The following SPEF2 variants were observed in gnomAD, a reference collection of about 807,000 sequenced individuals.
The protein encoded by SPEF2 is sperm flagellar and cilia associated 2.
Under a neutral mutation model 224.6 loss-of-function variants are expected in SPEF2, and 187 were observed. The ratio of observed to expected loss-of-function variants is 0.83; its 90% confidence interval spans 0.74 to 0.94. SPEF2 has a LOEUF of 0.94. SPEF2 is among the 40% of genes least tolerant of loss of function. SPEF2 has a pLI of 0.00. For missense variants in SPEF2, 2,170 were observed against 2,135.6 expected (o/e 1.02, Z -0.32); for synonymous variants, 715 against 707.3 (o/e 1.01, Z -0.17).
At chr5:35,683,572 C>T (rs1753135111) in intron 10 of SPEF2, among the ~76,000 whole-genome samples, 1 of 152,162 alleles carries the variant, frequency 6.6e-6, no homozygotes, top group Non-Finnish European at 1.5e-5. Context: ...CTACAGTTAG[C>T]CAAGATCGCG....
At chr5:35,667,044 A>G (rs762340796) in intron 8 of SPEF2, 28 bp from the exon 9 acceptor site, 6 of 1,569,144 alleles carry the variant, frequency 3.8e-6, no homozygotes, top group Middle Eastern at 2.0e-4. Context: ...AATTATAGTG[A>G]CTTAAAAATA....
intron 1 of SPEF2, among the ~76,000 whole-genome samples, chr5:35,627,961 A>C (rs1744503809): frequency 6.6e-6 from 1 of 152,204 alleles, no homozygotes; most frequent in Non-Finnish European, 1.5e-5. Flanking sequence ...GATTATGTTC[A>C]GGAGGTTTTA....
chr5:35,808,277 T>A (rs975053403), intron 36 of SPEF2: 39 of 582,822 alleles, frequency 6.7e-5, no homozygotes, highest in Middle Eastern at 8.7e-4. Flanking sequence ...TACTTTAAGT[T>A]CTAGGGCACA....
At chr5:35,700,931 G>A (rs1738493848) in intron 16 of SPEF2, among the ~76,000 whole-genome samples, 179 bp downstream of exon 16, 1 of 152,140 alleles carries the variant, frequency 6.6e-6, no homozygotes, top group South Asian at 2.1e-4. Context: ...TCAGCGCTGT[G>A]GGCAAAGCCG....
chr5:35,648,826 C>T lies in SPEF2; in HGVS notation c.727-535C>T, dbSNP rs563691634. On this transcript the variant is annotated intron_variant, in intron 5 of 36. Transcript: ENST00000356031. Reference sequence around the variant, plus strand: ...GTCAGGAGTTTGAGGCCACCCTTGTCAACCTGGCGAAACCCTGTCTGTATT... The same window carrying T: ...GTCAGGAGTTTGAGGCCACCCTTGTTAACCTGGCGAAACCCTGTCTGTATT... 2.0e-5 allele frequency among the ~76,000 whole-genome samples: 3 copies of T among 152,094 alleles called. No homozygotes were observed. In the South Asian group the frequency reaches 6.2e-4, roughly 32 times the overall value.
chr5:35,773,176 G>A (rs930331011), intron 27 of SPEF2, among the ~76,000 whole-genome samples: 6 of 152,058 alleles, frequency 3.9e-5, no homozygotes, highest in Admixed American at 1.3e-4. Flanking sequence ...CCAGGAGTTC[G>A]AGACCAGCCT....
At chr5:35,636,104 C>A (rs568421590) in intron 2 of SPEF2, among the ~76,000 whole-genome samples, 1 of 152,186 alleles carries the variant, frequency 6.6e-6, no homozygotes, top group East Asian at 1.9e-4. Context: ...GCTGCTGCTT[C>A]TGCTTTTTTT....
intron 2 of SPEF2, among the ~76,000 whole-genome samples, chr5:35,629,855 G>A (rs1309778014): frequency 6.6e-6 from 1 of 152,152 alleles, no homozygotes; most frequent in African/African-American, 2.4e-5. Context: ...GTTCACCCAT[G>A]TTAGCAAGTA....
chr5:35,669,949 TTC>T, intron 9 of SPEF2, 108 bp from the exon 10 acceptor site: 1 of 821,376 alleles, frequency 1.2e-6, no homozygotes, highest in Non-Finnish European at 1.9e-6. Flanking sequence ...CAGTAATTAT[TTC>T]TGTCTGATGA....
At chr5:35,708,018 G>A (rs779047091) in intron 18 of SPEF2, among the ~76,000 whole-genome samples, 7 of 152,090 alleles carry the variant, frequency 4.6e-5, no homozygotes, top group African/African-American at 1.4e-4. Flanking sequence ...CCACTAGAAC[G>A]TAAGCTTCAT....
intron 2 of SPEF2, among the ~76,000 whole-genome samples, chr5:35,636,260 T>C (rs1297706798): frequency 1.3e-5 from 2 of 152,184 alleles, no homozygotes; most frequent in African/African-American, 4.8e-5. Flanking sequence ...GACCAATACA[T>C]TTTCCTTTGC....
In SPEF2 at chr5:35,617,923, A is replaced by G. The variant is rs764270610; in HGVS notation, c.-75A>G. ...GCAAAGGGTTGCCCTTGGCTACAGG[A>G]GGACGCGGGCTGGCAGGCTTGGTTC... On this transcript the variant is annotated 5_prime_UTR_variant, in exon 1 of 37. Transcript: ENST00000356031. 42 of 1,446,334 alleles carry G rather than the reference A, an allele frequency of 2.9e-5. No individual in the cohort carries two copies. The highest frequency in any genetic ancestry group is 3.7e-5 in the Non-Finnish European group (39 of 1,050,646). 89.6% of individuals were successfully genotyped at this position (1,446,334 alleles called of 1,614,324 possible). A position where few individuals can be genotyped will look rare whatever the true frequency, so the allele number is the denominator to read the frequency against.
At position 35,691,039 on chromosome 5, in the gene SPEF2, C is replaced by T; in HGVS notation, c.1527C>T (p.Asn509=). The change falls in exon 11 of 37, where the codon AAC becomes AAT. Residue 509 remains asparagine, a splice_region_variant and synonymous_variant. Transcript: ENST00000356031. ...LDTNDYEEYK[N]MVGEWALPEE... ...TTATTTGATCGTTATTTTTACAGAA[C>T]ATGGTTGGAGAGTGGGCCTTACCAG... The T allele has an allele frequency of 6.2e-7, 1 of 1,611,700 alleles. No individual in the cohort carries two copies.
intron 34 of SPEF2, among the ~76,000 whole-genome samples, chr5:35,801,995 C>T (rs956045339): frequency 1.3e-5 from 2 of 152,208 alleles, no homozygotes; most frequent in Admixed American, 1.3e-4. Flanking sequence ...GTGAGGAACA[C>T]AAAAGAAGCC....
intron 4 of SPEF2, 50 bp from the exon 5 acceptor site, chr5:35,646,617 G>T: frequency 6.4e-7 from 1 of 1,559,682 alleles, no homozygotes; most frequent in South Asian, 1.2e-5. Flanking sequence ...GTATTATATT[G>T]CCTATTCTGT....
rs180748548 is a variant in SPEF2, at chr5:35,773,450, A to G, written c.3950-443A>G. Among the ~76,000 whole-genome samples the G allele has an allele frequency of 1.2e-3, 190 of 152,250 alleles. 1 individual carries two copies. Among genetic ancestry groups the G allele is most frequent in the African/African-American group, 4.3e-3 (178 of 41,556 alleles). On this transcript the variant is annotated intron_variant, in intron 27 of 36. Transcript: ENST00000356031. ...CCCGCATTTCACCCACATCTTCTTG[A>G]GGTTATTCTCGTATCTTCTTTTTTG...
rs191973676 is a variant in SPEF2 at position 35,649,399 on chromosome 5, A to G, written c.765A>G (p.Ile255Met). The part of the protein sequence containing the change: ...ADEIKKFEAL[I>M]KKDLQAKESA... ...AAATTAAGAAGTTCGAAGCATTAAT[A>G]AAAAAGGATCTCCAAGCAAAAGAAA... The change falls in exon 6 of 37, where the codon ATA (isoleucine) becomes ATG (methionine). Residue 255 changes from isoleucine (I) to methionine (M), a missense_variant. Transcript: ENST00000356031. 17 of 1,610,268 alleles carry G rather than the reference A, an allele frequency of 1.1e-5. No individual in the cohort carries two copies. The East Asian group carries it at 3.6e-4, about 34-fold the overall frequency.
intron 10 of SPEF2, chr5:35,671,259 A>G (rs1751187557): frequency 1.0e-6 from 1 of 979,452 alleles, no homozygotes; most frequent in Non-Finnish European, 1.2e-6. Context: ...GTGCAAAATA[A>G]CACTAACAAG....
intron 10 of SPEF2, among the ~76,000 whole-genome samples, chr5:35,681,076 CACTA>C (rs1402963504): frequency 6.6e-6 from 1 of 152,208 alleles, no homozygotes; most frequent in African/African-American, 2.4e-5. Context: ...CCTAACCTCT[CACTA>C]ACTAATACTT....
Sources: gnomAD v4.1 joint callset for allele counts (sites outside exome capture counted in the v4.1 genomes callset) on GRCh38, gnomAD v4.1.1 for gene constraint, MANE v1.5 for transcripts, NCBI Gene and HGNC (gene_info 2026-07-23, HGNC 2026-07-21) for gene names.